The following DLG2 variants were observed in gnomAD, a reference collection of about 807,000 sequenced individuals.
The protein encoded by DLG2 is discs large MAGUK scaffold protein 2.
DLG2 carries 45 observed loss-of-function variants against 132.5 expected under a neutral mutation model. The ratio of observed to expected loss-of-function variants is 0.34; its 90% CI spans 0.27 to 0.44. DLG2 has a LOEUF of 0.44. Among genes scored for constraint, DLG2 ranks in the 20% least tolerant of loss-of-function variants. The pLI is 1.00. For missense variants in DLG2, 1,045 were observed against 1,196.9 expected, an observed-to-expected ratio of 0.87 and a Z score of 1.87; for synonymous variants, 424 against 419.6, an observed-to-expected ratio of 1.01 and a Z score of -0.13.
At chr11:84,779,657 A>C (rs547594829) in intron 6 of DLG2, among the ~76,000 whole-genome samples, 35 of 152,154 alleles carry the variant, frequency 2.3e-4, no homozygotes, top group Non-Finnish European at 5.1e-4. Context: ...AGAGGAGAGA[A>C]TAACCAAATA....
intron 6 of DLG2, among the ~76,000 whole-genome samples, chr11:84,859,651 T>C (rs1213846607): frequency 6.6e-6 from 1 of 151,712 alleles, no homozygotes; most frequent in Non-Finnish European, 1.5e-5. Flanking sequence ...AGAAGTAATA[T>C]AAAGCCACTA....
intron 4 of DLG2, among the ~76,000 whole-genome samples, chr11:85,186,897 G>A (rs1210308343): frequency 6.6e-6 from 1 of 151,976 alleles, no homozygotes; most frequent in African/African-American, 2.4e-5. Flanking sequence ...AGTAAGTTAA[G>A]AATATACATT....
At chr11:85,495,970 TC>T (rs778937682) in intron 3 of DLG2, among the ~76,000 whole-genome samples, 14 of 152,098 alleles carry the variant, frequency 9.2e-5, no homozygotes, top group Non-Finnish European at 1.8e-4. Flanking sequence ...GCTCTACAGC[TC>T]CCAGTGAGAT....
At chr11:85,565,064 T>C (rs1287675543) in intron 3 of DLG2, among the ~76,000 whole-genome samples, 3 of 152,112 alleles carry the variant, frequency 2.0e-5, no homozygotes, top group Non-Finnish European at 2.9e-5. Context: ...TTTCTGTATA[T>C]TGATCTTGTA....
chr11:84,048,979 AG>A (rs2096295792), intron 11 of DLG2, among the ~76,000 whole-genome samples: 1 of 151,766 alleles, frequency 6.6e-6, no homozygotes, highest in East Asian at 1.9e-4. Context: ...TAATTCATTC[AG>A]TGTTCATTCT....
chr11:83,856,421 A>G (rs1198348886), intron 16 of DLG2, among the ~76,000 whole-genome samples: 1 of 152,172 alleles, frequency 6.6e-6, no homozygotes, highest in Non-Finnish European at 1.5e-5. Context: ...GCTTTCCACA[A>G]TGGTTGGACT....
Position 83,621,902 on chromosome 11 carries a change from C to A in DLG2, c.1940+11309G>T, listed in dbSNP as rs1262492380. ...ATGCTCTGCTCTCACTGTCTTGCTA[C>A]TAATTTTTTATTTTGATTGACTGAT... is the stretch of plus-strand genomic sequence containing the variant. On this transcript the variant is annotated intron_variant, in intron 19 of 27. Coordinates refer to ENST00000376104, the MANE Select transcript of DLG2 (RefSeq NM_001142699.3). Among the ~76,000 whole-genome samples, 7 of 152,124 alleles carry A rather than the reference C, an allele frequency of 4.6e-5. No homozygotes were observed. The East Asian group carries it at 1.4e-3, about 30-fold the overall frequency.
At chr11:85,148,497 T>C (rs146835324) in intron 5 of DLG2, among the ~76,000 whole-genome samples, 1 of 152,378 alleles carries the variant, frequency 6.6e-6, no homozygotes, top group Admixed American at 6.5e-5. Flanking sequence ...ATTTCTCTAA[T>C]GATCAGTGAT....
At chr11:84,573,424 C>T (rs1391124041) in intron 6 of DLG2, among the ~76,000 whole-genome samples, 1 of 151,896 alleles carries the variant, frequency 6.6e-6, no homozygotes, top group Non-Finnish European at 1.5e-5. Flanking sequence ...ACATAAATGA[C>T]CGATTATTAG....
chr11:84,702,215 G>A (rs1278376145), intron 6 of DLG2, among the ~76,000 whole-genome samples: 1 of 151,556 alleles, frequency 6.6e-6, no homozygotes, highest in African/African-American at 2.4e-5. Flanking sequence ...CTTTTACCCT[G>A]CACCTCTCAA....
intron 18 of DLG2, among the ~76,000 whole-genome samples, chr11:83,663,885 T>C (rs1026232205): frequency 2.0e-5 from 3 of 152,300 alleles, no homozygotes; most frequent in African/African-American, 4.8e-5. Flanking sequence ...CCAAATAAGA[T>C]TGAGGCACTG....
intron 3 of DLG2, among the ~76,000 whole-genome samples, chr11:85,381,402 G>A (rs1456408717): frequency 2.6e-5 from 4 of 152,094 alleles, no homozygotes; most frequent in Admixed American, 1.3e-4. Context: ...CATACTTAAT[G>A]GTGAAAGACT....
chr11:83,736,816 G>C (rs1325461670), intron 18 of DLG2, among the ~76,000 whole-genome samples: 1 of 152,208 alleles, frequency 6.6e-6, no homozygotes, highest in East Asian at 1.9e-4. Flanking sequence ...AATAATTTAA[G>C]GGTGAATCAG....
intron 15 of DLG2, among the ~76,000 whole-genome samples, chr11:83,921,790 A>G (rs1341144911): frequency 2.0e-5 from 3 of 152,206 alleles, no homozygotes; most frequent in African/African-American, 7.2e-5. Flanking sequence ...ACAAACAGAC[A>G]TACTAAAACT....
chr11:85,563,242 C>T (rs1018115368), intron 3 of DLG2, among the ~76,000 whole-genome samples: 1 of 151,680 alleles, frequency 6.6e-6, no homozygotes, highest in African/African-American at 2.4e-5. Flanking sequence ...AAATAAGATG[C>T]TTCCATTTTA....
intron 21 of DLG2, among the ~76,000 whole-genome samples, chr11:83,503,644 T>C (rs534909543): frequency 1.3e-5 from 2 of 151,690 alleles, no homozygotes; most frequent in Non-Finnish European, 2.9e-5. Flanking sequence ...ACCAGTCTAG[T>C]CTTTTCACAT....
At chr11:83,824,500 G>A (rs2051892462) in intron 17 of DLG2, among the ~76,000 whole-genome samples, 1 of 151,890 alleles carries the variant, frequency 6.6e-6, no homozygotes, top group Admixed American at 6.6e-5. Flanking sequence ...ATTTACTTCC[G>A]TCAAATAAAA....
chr11:84,641,949 C>G (rs1202725214), intron 6 of DLG2, among the ~76,000 whole-genome samples: 2 of 149,658 alleles, frequency 1.3e-5, no homozygotes, highest in South Asian at 4.3e-4. Context: ...ATACACACAT[C>G]CATACGTATA....
chr11:84,567,251 A>C (rs1257215766), intron 6 of DLG2, among the ~76,000 whole-genome samples: 1 of 152,196 alleles, frequency 6.6e-6, no homozygotes, highest in African/African-American at 2.4e-5. Flanking sequence ...TATTATTATA[A>C]TGCCTAAAGG....
Sources: gnomAD v4.1 joint callset for allele counts (sites outside exome capture counted in the v4.1 genomes callset) on GRCh38, gnomAD v4.1.1 for gene constraint, MANE v1.5 for transcripts, NCBI Gene and HGNC (gene_info 2026-07-23, HGNC 2026-07-21) for gene names.